The following ENOSF1 variants were observed in gnomAD, a reference collection of about 807,000 sequenced individuals.
ENOSF1 encodes the protein mitochondrial enolase superfamily member 1.
Under a neutral mutation model 68.2 loss-of-function variants are expected in ENOSF1, and 73 were observed. The observed-to-expected ratio is 1.07, with a 90% confidence interval of 0.89 to 1.30. The LOEUF is 1.30. Among genes scored for constraint, ENOSF1 ranks in the 50% most tolerant of loss-of-function variants. ENOSF1 has a pLI of 0.00. For synonymous variants in ENOSF1, 223 were observed against 210.4 expected (o/e 1.06, Z -0.52); for missense variants, 589 against 554.5 (o/e 1.06, Z -0.62).
At position 697,358 on chromosome 18, in the gene ENOSF1, A is replaced by C; in HGVS notation, c.194-3T>G. The stretch of plus-strand genomic sequence containing the variant: ...GAGGGCATTCACAGCACAGACAACT[A>C]TTTAAAAAGGATTGAACTCTTGTTT... On this transcript the variant is annotated splice_region_variant and splice_polypyrimidine_tract_variant and intron_variant, in intron 2 of 15. Coordinates refer to ENST00000647584, the MANE Select transcript of ENOSF1 (RefSeq NM_017512.7). The C allele has an allele frequency of 6.2e-7, 1 of 1,602,536 alleles. No individual in the cohort carries two copies. The highest frequency in any genetic ancestry group is 8.5e-7 in the Non-Finnish European group (1 of 1,173,480).
chr18:667,559 T>TGATGGA (rs1567990965), downstream of ENOSF1, among the ~76,000 whole-genome samples: 8 of 66,342 alleles, frequency 1.2e-4, no homozygotes, highest in Admixed American at 3.9e-4. Context: ...ATGGAGATGG[T>TGATGGA]GATGGTGATG....
At chr18:683,404 G>C (rs755072131) in intron 10 of ENOSF1, 24 bp from the exon 11 acceptor site, 2 of 1,613,686 alleles carry the variant, frequency 1.2e-6, no homozygotes, top group South Asian at 2.2e-5. Context: ...CTCTTCACAG[G>C]GAGGTCAGCC....
rs1450975172 is a variant in ENOSF1, at chr18:675,406, G to A, written c.1149-4C>T. ...GTGGTCAACATACTCACACACCCTA[G>A]GAGGAGGGAATCAGATCGGGGCAAT... On this transcript the variant is annotated splice_polypyrimidine_tract_variant and splice_region_variant and intron_variant, in intron 14 of 15. Coordinates refer to ENST00000647584, the MANE Select transcript of ENOSF1 (RefSeq NM_017512.7). The A allele has an allele frequency of 6.2e-7, 1 of 1,611,756 alleles. No homozygotes were observed. The highest frequency in any genetic ancestry group is 8.5e-7 in the Non-Finnish European group (1 of 1,179,130).
chr18:666,908 GT>G (rs1414261089), downstream of ENOSF1, among the ~76,000 whole-genome samples: 3 of 65,432 alleles, frequency 4.6e-5, no homozygotes, highest in Admixed American at 2.1e-4. Flanking sequence ...GATGGAGATG[GT>G]GATGGTGATG....
At chr18:687,926 G>A (rs911355705) in intron 9 of ENOSF1, 3 of 152,480 alleles carry the variant, frequency 2.0e-5, no homozygotes, top group Non-Finnish European at 1.5e-5. Context: ...CAGCACTTTG[G>A]GAGGCTGAGG....
At chr18:709,860 T>C (rs2079324026) in intron 1 of ENOSF1, among the ~76,000 whole-genome samples, 1 of 152,166 alleles carries the variant, frequency 6.6e-6, no homozygotes, top group Non-Finnish European at 1.5e-5. Context: ...GGAGGCTCAC[T>C]TTGCTAAGTG....
Position 673,125 on chromosome 18 carries a change from T to G in ENOSF1, c.*1180A>C. On this transcript the variant is annotated 3_prime_UTR_variant, in exon 16 of 16. Transcript: ENST00000647584. The stretch of plus-strand genomic sequence containing the variant: ...AAAAATCTGTCCGTGACCTATCAGT[T>G]ATTAATTTTTAAGGATGTTGCCACT... 2 of 1,060,076 alleles carry G rather than the reference T, an allele frequency of 1.9e-6. No individual in the cohort carries two copies. Among genetic ancestry groups the G allele is most frequent in the Non-Finnish European group, 2.6e-6 (2 of 769,638 alleles). The allele number at this position is 1,060,076 out of a possible 1,614,324, so 65.7% of individuals were successfully genotyped here.
chr18:693,488 C>T, intron 5 of ENOSF1: 1 of 985,258 alleles, frequency 1.0e-6, no homozygotes, highest in Non-Finnish European at 1.2e-6. Context: ...ATAATATCTT[C>T]ATAATATTAT....
downstream of ENOSF1, among the ~76,000 whole-genome samples, chr18:667,292 A>T (rs111211210): frequency 8.6e-4 from 15 of 17,464 alleles, no homozygotes; most frequent in Non-Finnish European, 1.2e-3. Flanking sequence ...ATGGTGATGG[A>T]GATGGTGATG....
the ENOSF1 span, among the ~76,000 whole-genome samples, chr18:663,360 GTTGT>G: frequency 0.015 from 1,236 of 82,176 alleles, 8 homozygotes; most frequent in East Asian, 0.03. Context: ...TTTTGATGGG[GTTGT>G]TTGTTTTTTT....
chr18:688,378 A>C, intron 9 of ENOSF1, 196 bp downstream of exon 9: 1 of 597,766 alleles, frequency 1.7e-6, no homozygotes. Context: ...ATGGCCTATA[A>C]TTCTAATGAG....
At chr18:682,370 TA>T (rs2144724106) in intron 11 of ENOSF1, among the ~76,000 whole-genome samples, 1 of 152,288 alleles carries the variant, frequency 6.6e-6, no homozygotes, top group African/African-American at 2.4e-5. Flanking sequence ...TATCTAAACA[TA>T]CTTAAACATA....
intron 4 of ENOSF1, 67 bp downstream of exon 4, chr18:694,181 T>C: frequency 1.4e-6 from 2 of 1,468,806 alleles, no homozygotes; most frequent in Non-Finnish European, 1.9e-6. Flanking sequence ...GTCTTTCCTC[T>C]GTGCGTAGGG....
intron 14 of ENOSF1, among the ~76,000 whole-genome samples, chr18:676,543 G>C (rs551553580): frequency 6.6e-6 from 1 of 152,182 alleles, no homozygotes; most frequent in African/African-American, 2.4e-5. Context: ...TCCAGAAGCT[G>C]AGCAGAAGCC....
rs2076267020 is a variant in ENOSF1, at chr18:683,242, C to T, written c.876+4G>A. On this transcript the variant is annotated splice_donor_region_variant and intron_variant, in intron 11 of 15. Transcript: ENST00000647584. The stretch of plus-strand genomic sequence containing the variant: ...TGCCACAGCAGCAGCAGCCGTTTTC[C>T]TACCTTGGAAATGGTGGCGTGCCCC... 4 of 1,613,898 alleles carry T rather than the reference C, an allele frequency of 2.5e-6. No individual in the cohort carries two copies. Among genetic ancestry groups the T allele is most frequent in the African/African-American group, 2.7e-5 (2 of 74,932 alleles).
chr18:690,806 C>CT, intron 7 of ENOSF1, 175 bp from the exon 8 acceptor site: 1 of 1,471,910 alleles, frequency 6.8e-7, no homozygotes. Context: ...TCAGGATACT[C>CT]TCACGGACTG....
chr18:673,083 GAAA>G lies in ENOSF1; in HGVS notation c.*1219_*1221del, dbSNP rs1667905581. Reference sequence around the variant, plus strand: ...GGTAAAAGTTCTTTTTGCTCTAAAAGAAAAAGGAACTAGGTCAAAAATCTGTCC... The same window carrying G: ...GGTAAAAGTTCTTTTTGCTCTAAAAGAAGGAACTAGGTCAAAAATCTGTCC... On this transcript the variant is annotated 3_prime_UTR_variant, in exon 16 of 16. Coordinates refer to ENST00000647584, the MANE Select transcript of ENOSF1 (RefSeq NM_017512.7). 2.1e-6 allele frequency: 3 copies of G among 1,397,930 alleles called. No homozygotes were observed. Among genetic ancestry groups the G allele is most frequent in the Non-Finnish European group, 2.9e-6 (3 of 1,052,056 alleles). The allele number at this position is 1,397,930 out of a possible 1,614,324, so 86.6% of individuals were successfully genotyped here.
chr18:688,644 G>C, intron 8 of ENOSF1, 36 bp from the exon 9 acceptor site: 2 of 1,593,596 alleles, frequency 1.3e-6, no homozygotes, highest in East Asian at 2.2e-5. Flanking sequence ...ACACTGGAGA[G>C]AGCCCCTTGG....
At chr18:708,238 G>A (rs959263494) in intron 1 of ENOSF1, among the ~76,000 whole-genome samples, 9 of 152,174 alleles carry the variant, frequency 5.9e-5, no homozygotes, top group African/African-American at 2.2e-4. Context: ...TGATGGCTGG[G>A]AGCCCTGAGT....
Sources: gnomAD v4.1 joint callset for allele counts (sites outside exome capture counted in the v4.1 genomes callset) on GRCh38, gnomAD v4.1.1 for gene constraint, MANE v1.5 for transcripts, NCBI Gene and HGNC (gene_info 2026-07-23, HGNC 2026-07-21) for gene names.